Variants in DIAPH3 observed in about 807,000 individuals in gnomAD.
DIAPH3 encodes protein diaphanous homolog 3.
DIAPH3 carries 117 observed loss-of-function variants against 144.3 expected under a neutral mutation model. The observed-to-expected ratio is 0.81, with a 90% CI of 0.70 to 0.95. The LOEUF (loss-of-function observed/expected upper bound fraction) is 0.95. Among genes scored for constraint, DIAPH3 ranks in the 40% least tolerant of loss-of-function variants. The probability of loss-of-function intolerance (pLI) is 0.00; values close to 1 mark genes in which losing one functional copy is unlikely to be tolerated. For missense variants in DIAPH3, 1,421 were observed against 1,412.7 expected, an observed-to-expected ratio of 1.01 and a Z score of -0.09; for synonymous variants, 519 against 488.9, an observed-to-expected ratio of 1.06 and a Z score of -0.81.
chr13:59,759,000 C>T (rs2037432797), intron 27 of DIAPH3, among the ~76,000 whole-genome samples: 1 of 149,448 alleles, frequency 6.7e-6, no homozygotes. Flanking sequence ...CTATATTGCC[C>T]AGGCTGGTCT....
At chr13:59,934,092 C>G (rs555304819) in intron 17 of DIAPH3, among the ~76,000 whole-genome samples, 2 of 152,098 alleles carry the variant, frequency 1.3e-5, no homozygotes, top group East Asian at 3.9e-4. Context: ...AATATGCAGT[C>G]TTAAATGTTT....
At chr13:59,829,812 G>A (rs569923727) in intron 24 of DIAPH3, among the ~76,000 whole-genome samples, 39 of 151,820 alleles carry the variant, frequency 2.6e-4, no homozygotes, top group Non-Finnish European at 5.3e-4. Flanking sequence ...TAAGTACAGT[G>A]GTCTGAACTT....
intron 21 of DIAPH3, among the ~76,000 whole-genome samples, chr13:59,871,204 G>GT (rs975086737): frequency 6.9e-6 from 1 of 144,502 alleles, no homozygotes; most frequent in African/African-American, 2.5e-5. Context: ...TTGGGGGGGG[G>GT]GGTGGCGGGC....
At chr13:59,673,219 G>C (rs746253077) in intron 27 of DIAPH3, among the ~76,000 whole-genome samples, 2 of 152,132 alleles carry the variant, frequency 1.3e-5, no homozygotes, top group Non-Finnish European at 2.9e-5. Flanking sequence ...ACCTGAGTTG[G>C]ATACTCTTTT....
At chr13:59,772,632 G>A (rs1053217728) in intron 27 of DIAPH3, among the ~76,000 whole-genome samples, 1 of 151,994 alleles carries the variant, frequency 6.6e-6, no homozygotes, top group African/African-American at 2.4e-5. Context: ...TAGTCACAAG[G>A]CTGAGTTCTC....
chr13:59,671,899 C>G (rs1250404112), intron 27 of DIAPH3, among the ~76,000 whole-genome samples: 1 of 152,120 alleles, frequency 6.6e-6, no homozygotes, highest in African/African-American at 2.4e-5. Context: ...CCTTAAACTA[C>G]ATCTAGTGTT....
intron 17 of DIAPH3, among the ~76,000 whole-genome samples, chr13:59,966,791 T>G (rs947921281): frequency 6.6e-6 from 1 of 152,184 alleles, no homozygotes; most frequent in Non-Finnish European, 1.5e-5. Flanking sequence ...ATGTCCATCT[T>G]TGTAATCAAA....
At chr13:59,875,918 A>G (rs1338017873) in intron 21 of DIAPH3, among the ~76,000 whole-genome samples, 1 of 152,272 alleles carries the variant, frequency 6.6e-6, no homozygotes, top group East Asian at 1.9e-4. Flanking sequence ...TCCCCAAACT[A>G]AACTATAATG....
intron 27 of DIAPH3, among the ~76,000 whole-genome samples, chr13:59,761,894 C>T (rs2037609212): frequency 6.6e-6 from 1 of 151,868 alleles, no homozygotes. Context: ...CTGGTTATAT[C>T]TTAATACAGA....
At chr13:60,154,230 T>C (rs911418530) in intron 1 of DIAPH3, among the ~76,000 whole-genome samples, 2 of 152,092 alleles carry the variant, frequency 1.3e-5, no homozygotes, top group African/African-American at 2.4e-5. Flanking sequence ...AAAACAACAA[T>C]CCTATAAATG....
chr13:60,078,182 C>A (rs79288276), intron 4 of DIAPH3, among the ~76,000 whole-genome samples: 5,590 of 152,182 alleles, frequency 0.037, 135 homozygotes, highest in East Asian at 0.075. Context: ...CAGTACATGT[C>A]TTTTCCTCCA....
At chr13:60,048,178 G>A (rs989546847) in intron 4 of DIAPH3, among the ~76,000 whole-genome samples, 3 of 152,154 alleles carry the variant, frequency 2.0e-5, no homozygotes, top group Non-Finnish European at 2.9e-5. Context: ...GCAAAACCTC[G>A]CCTCTCCAGG....
chr13:59,994,076 A>G (rs1279246071), intron 9 of DIAPH3, among the ~76,000 whole-genome samples: 1 of 151,916 alleles, frequency 6.6e-6, no homozygotes, highest in African/African-American at 2.4e-5. Flanking sequence ...GAAATAAGGG[A>G]AAGGATAATC....
intron 1 of DIAPH3, among the ~76,000 whole-genome samples, chr13:60,161,975 A>T (rs911478361): frequency 1.3e-5 from 2 of 152,232 alleles, no homozygotes. Context: ...AAGAACCTAA[A>T]TTAGTTTCAA....
chr13:59,670,440 G>A (rs1317261808), intron 27 of DIAPH3, among the ~76,000 whole-genome samples: 1 of 152,098 alleles, frequency 6.6e-6, no homozygotes, highest in Non-Finnish European at 1.5e-5. Flanking sequence ...TTTGTCTCCA[G>A]ACATGGGAGA....
intron 27 of DIAPH3, among the ~76,000 whole-genome samples, chr13:59,701,654 G>A (rs2138755206): frequency 6.6e-6 from 1 of 152,310 alleles, no homozygotes; most frequent in East Asian, 1.9e-4. Context: ...GGGGTTATGA[G>A]CTTTCTTTCC....
At chr13:60,160,276 A>G (rs753857696) in intron 1 of DIAPH3, among the ~76,000 whole-genome samples, 2 of 152,248 alleles carry the variant, frequency 1.3e-5, no homozygotes, top group African/African-American at 4.8e-5. Flanking sequence ...TGAAGGTACT[A>G]CAATGACATA....
chr13:59,773,144 A>T (rs544593316), intron 27 of DIAPH3, among the ~76,000 whole-genome samples: 2 of 152,304 alleles, frequency 1.3e-5, no homozygotes, highest in South Asian at 4.1e-4. Flanking sequence ...ATACAAGAGA[A>T]AGGCAAGACA....
chr13:59,792,817 A>C (rs983233874), intron 25 of DIAPH3, among the ~76,000 whole-genome samples: 1 of 152,024 alleles, frequency 6.6e-6, no homozygotes, highest in African/African-American at 2.4e-5. Flanking sequence ...ACTCCCACTA[A>C]AATGTAAATA....
Sources: allele counts gnomAD v4.1 joint callset (sites outside exome capture counted in the v4.1 genomes callset), GRCh38; gene constraint gnomAD v4.1.1; transcripts MANE v1.5; gene names NCBI Gene and HGNC (gene_info 2026-07-23, HGNC 2026-07-21).